MARCHF1: variants seen among roughly 807,000 people sequenced by gnomAD.
MARCHF1 encodes E3 ubiquitin-protein ligase MARCHF1.
MARCHF1 carries 40 observed loss-of-function variants against 54.2 expected under a neutral mutation model. That is an observed-to-expected ratio of 0.74 (90% CI 0.57 to 0.96). The LOEUF is 0.96. Ranked by LOEUF, MARCHF1 falls within the 40% of genes least tolerant of loss-of-function variation. MARCHF1 has a pLI of 0.00. For missense variants in MARCHF1, 586 were observed against 656.5 expected, an observed-to-expected ratio of 0.89 and a Z score of 1.17; for synonymous variants, 236 against 236.3, an observed-to-expected ratio of 1.00 and a Z score of 0.01.
At chr4:163,706,305 C>T (rs1222658874) in intron 4 of MARCHF1, among the ~76,000 whole-genome samples, 1 of 152,000 alleles carries the variant, frequency 6.6e-6, no homozygotes, top group African/African-American at 2.4e-5. Flanking sequence ...TCTTGTGGGT[C>T]TTTGAGTGAC....
At chr4:164,062,342 C>T (rs1754636443) in intron 2 of MARCHF1, among the ~76,000 whole-genome samples, 2 of 151,908 alleles carry the variant, frequency 1.3e-5, no homozygotes, top group Non-Finnish European at 1.5e-5. Context: ...TTAAAATTAA[C>T]TTCTTTGAAA....
Position 163,675,462 on chromosome 4 carries a change from G to C in MARCHF1, c.162+25351C>G, listed in dbSNP as rs549248329. Among the ~76,000 whole-genome samples, 4 of 152,264 alleles carry C rather than the reference G, an allele frequency of 2.6e-5. No individual in the cohort carries two copies. In the South Asian group the frequency reaches 8.3e-4, roughly 32 times the overall value. ...TTCTTCAGCAACTTATTGTGGAGGAGAGAGAGAGTGAAAGAACAAGCACAA... is the reference window on the plus strand; with the variant it reads ...TTCTTCAGCAACTTATTGTGGAGGACAGAGAGAGTGAAAGAACAAGCACAA... On this transcript the variant is annotated intron_variant, in intron 5 of 9. Coordinates refer to ENST00000514618, the MANE Select transcript of MARCHF1 (RefSeq NM_001394959.1).
chr4:164,290,700 T>C (rs1230660349), intron 1 of MARCHF1, among the ~76,000 whole-genome samples: 1 of 151,978 alleles, frequency 6.6e-6, no homozygotes, highest in Non-Finnish European at 1.5e-5. Context: ...AAGAGGGAAA[T>C]ACTTTCAAAT....
At chr4:164,043,050 G>T (rs902162933) in intron 2 of MARCHF1, among the ~76,000 whole-genome samples, 1 of 152,216 alleles carries the variant, frequency 6.6e-6, no homozygotes, top group African/African-American at 2.4e-5. Context: ...GCTTTCATGG[G>T]CTGGCGTTGA....
intron 9 of MARCHF1, among the ~76,000 whole-genome samples, chr4:163,539,001 TTTTA>T (rs56805784): frequency 0.4 from 59,000 of 148,936 alleles, 12,820 homozygotes; most frequent in Admixed American, 0.54. Flanking sequence ...CTCCTGATGC[TTTTA>T]TTTATTTATT....
At chr4:163,798,445 T>C (rs1433027571) in intron 4 of MARCHF1, among the ~76,000 whole-genome samples, 1 of 152,174 alleles carries the variant, frequency 6.6e-6, no homozygotes, top group Non-Finnish European at 1.5e-5. Flanking sequence ...GAGAGCATTA[T>C]CAACATAATG....
intron 3 of MARCHF1, among the ~76,000 whole-genome samples, chr4:163,859,397 G>A (rs1007660309): frequency 2.1e-5 from 3 of 144,388 alleles, no homozygotes; most frequent in Non-Finnish European, 1.5e-5. Context: ...TGGAGTTCTC[G>A]TTCCCCAGGT....
chr4:164,045,511 T>TTAAATAAATAAATAAATAAA (rs33998703), intron 2 of MARCHF1, among the ~76,000 whole-genome samples: 3 of 145,434 alleles, frequency 2.1e-5, no homozygotes, highest in African/African-American at 7.6e-5. Context: ...GACTCCATCT[T>TTAAATAAATAAATAAATAAA]TAAATAAATA....
intron 3 of MARCHF1, among the ~76,000 whole-genome samples, chr4:163,956,965 T>C (rs1752244204): frequency 6.6e-6 from 1 of 152,066 alleles, no homozygotes; most frequent in South Asian, 2.1e-4. Context: ...TTTATAGCTA[T>C]ATTATTAGAA....
At chr4:164,299,934 T>G (rs1176426784) in intron 1 of MARCHF1, among the ~76,000 whole-genome samples, 1 of 152,190 alleles carries the variant, frequency 6.6e-6, no homozygotes, top group African/African-American at 2.4e-5. Flanking sequence ...ATATTTCAAT[T>G]TGTGGTAGAA....
chr4:163,840,400 CTTTTA>C (rs758634305), intron 4 of MARCHF1, among the ~76,000 whole-genome samples: 21 of 152,028 alleles, frequency 1.4e-4, no homozygotes, highest in Middle Eastern at 3.2e-3. Context: ...ATAAATTCAA[CTTTTA>C]TTTGATTTGG....
At chr4:163,691,049 A>C (rs1202331665) in intron 5 of MARCHF1, among the ~76,000 whole-genome samples, 1 of 152,112 alleles carries the variant, frequency 6.6e-6, no homozygotes, top group African/African-American at 2.4e-5. Context: ...ATATAAGGCA[A>C]AGCGTCATTT....
chr4:164,161,647 T>G (rs1730243104), intron 1 of MARCHF1, among the ~76,000 whole-genome samples: 2 of 152,124 alleles, frequency 1.3e-5, no homozygotes, highest in Admixed American at 6.6e-5. Context: ...GGGTAATTGT[T>G]AAACCTCATA....
At chr4:164,231,255 G>C (rs1017484973) in intron 1 of MARCHF1, among the ~76,000 whole-genome samples, 2 of 152,100 alleles carry the variant, frequency 1.3e-5, no homozygotes. Flanking sequence ...AAAAGTACAT[G>C]TCACCCCATC....
chr4:163,914,679 G>A (rs191472586), intron 3 of MARCHF1, among the ~76,000 whole-genome samples: 55 of 152,194 alleles, frequency 3.6e-4, no homozygotes, highest in African/African-American at 1.2e-3. Flanking sequence ...TAAATATACT[G>A]TAATTCTAAG....
chr4:163,588,917 A>T (rs1740495340), intron 7 of MARCHF1, among the ~76,000 whole-genome samples: 1 of 152,186 alleles, frequency 6.6e-6, no homozygotes. Context: ...ATTGACAATA[A>T]TAAAAACAAA....
intron 2 of MARCHF1, among the ~76,000 whole-genome samples, chr4:164,109,156 T>A (rs566519548): frequency 2.0e-5 from 3 of 152,052 alleles, no homozygotes; most frequent in Non-Finnish European, 4.4e-5. Context: ...TTGATTGAAG[T>A]GATAAAGCTA....
chr4:164,192,780 G>C (rs77084316), intron 1 of MARCHF1, among the ~76,000 whole-genome samples: 3,635 of 152,274 alleles, frequency 0.024, 137 homozygotes, highest in African/African-American at 0.081. Flanking sequence ...AGGCATGCCA[G>C]AAAGTCCTCT....
chr4:163,995,796 G>A (rs1490286204), intron 2 of MARCHF1, among the ~76,000 whole-genome samples: 5 of 151,994 alleles, frequency 3.3e-5, no homozygotes, highest in African/African-American at 1.2e-4. Context: ...ATCATTGAAG[G>A]CTAGTAGATG....
Sources: gnomAD v4.1 joint callset for allele counts (sites outside exome capture counted in the v4.1 genomes callset) on GRCh38, gnomAD v4.1.1 for gene constraint, MANE v1.5 for transcripts, NCBI Gene and HGNC (gene_info 2026-07-23, HGNC 2026-07-21) for gene names.